Variants in ZNF654 observed in about 807,000 individuals in gnomAD.
The protein encoded by ZNF654 is melanoma-associated antigen.
A neutral mutation model predicts 95.3 loss-of-function variants in ZNF654; 19 were observed. That is an observed-to-expected ratio of 0.20 (90% CI 0.14 to 0.29). The LOEUF (loss-of-function observed/expected upper bound fraction) is 0.29. Among genes scored for constraint, ZNF654 ranks in the 10% least tolerant of loss-of-function variants. The probability of loss-of-function intolerance (pLI) is 1.00; values close to 1 mark genes in which losing one functional copy is unlikely to be tolerated. For missense variants in ZNF654, 1,046 were observed against 1,341.0 expected, an observed-to-expected ratio of 0.78 and a Z score of 3.44; for synonymous variants, 413 against 457.9, an observed-to-expected ratio of 0.90 and a Z score of 1.25.
At chr3:88,099,301 A>G (rs1018308551) in intron 2 of ZNF654, among the ~76,000 whole-genome samples, 2 of 152,212 alleles carry the variant, frequency 1.3e-5, no homozygotes, top group Non-Finnish European at 2.9e-5. Context: ...TTCAAGGAGA[A>G]CTGCAAATCA....
chr3:88,119,020 C>A (rs1433920163), intron 3 of ZNF654, among the ~76,000 whole-genome samples: 48 of 149,440 alleles, frequency 3.2e-4, no homozygotes, highest in Non-Finnish European at 5.0e-4. Flanking sequence ...TTTGACCCAG[C>A]CATCCCATTA....
chr3:88,111,736 G>A (rs752075513), intron 2 of ZNF654, among the ~76,000 whole-genome samples: 36 of 152,078 alleles, frequency 2.4e-4, no homozygotes, highest in South Asian at 1.0e-3. Context: ...CAAATGGTAT[G>A]TGTACATTTT....
chr3:88,132,742 A>C (rs184343275), intron 6 of ZNF654, among the ~76,000 whole-genome samples: 24 of 152,318 alleles, frequency 1.6e-4, no homozygotes, highest in African/African-American at 4.8e-4. Flanking sequence ...TGTTTCAATT[A>C]TCTCTCTTAA....
intron 2 of ZNF654, among the ~76,000 whole-genome samples, chr3:88,090,041 G>T (rs932894658): frequency 1.3e-5 from 2 of 152,008 alleles, no homozygotes; most frequent in Admixed American, 6.6e-5. Flanking sequence ...TAAAAGTATA[G>T]CATATAGAAT....
Position 88,140,299 on chromosome 3 carries a change from C to G in ZNF654, c.2630C>G (p.Ser877Cys), listed in dbSNP as rs376694512. 19 of 1,613,632 alleles carry G rather than the reference C, an allele frequency of 1.2e-5. No homozygotes were observed. The highest frequency in any genetic ancestry group is 1.6e-4 in the Middle Eastern group (1 of 6,082). The change falls in exon 8 of 9, where the codon TCT becomes TGT. Residue 877 changes from serine (S) to cysteine (C), a missense_variant. By Grantham distance (112) the Ser-to-Cys change is moderately radical. This residue lies in a region of ZNF654 where 495 missense variants were observed against 537.0 expected (regional missense o/e 0.92). Transcript: ENST00000636215. ...TATTTAAGTAAAACACCAGAGTCAT[C>G]TGCACAACCAAGTGAAACAATTCTT... ...QHYLSKTPES[S>C]AQPSETILWD...
chr3:88,119,332 C>A (rs1323317858), intron 3 of ZNF654, among the ~76,000 whole-genome samples: 84 of 131,858 alleles, frequency 6.4e-4, no homozygotes, highest in Non-Finnish European at 1.2e-3. Flanking sequence ...GGGAATTGAA[C>A]AATGAGAACA....
At position 88,140,532 on chromosome 3, in the gene ZNF654, T is replaced by C; in HGVS notation, c.2863T>C (p.Leu955=). 2.5e-6 allele frequency: 4 copies of C among 1,613,758 alleles called. No homozygotes were observed. The highest frequency in any genetic ancestry group is 3.4e-6 in the Non-Finnish European group (4 of 1,179,736). ...RSDDTVSNIS[L]IDQKMPDIEP... ...TGATGACACTGTTTCAAATATAAGC[T>C]TGATAGACCAAAAGATGCCTGACAT... Residue 955 remains leucine, a synonymous_variant, in exon 8 of 9, where the codon TTG becomes CTG. Transcript: ENST00000636215.
At chr3:88,073,345 T>C (rs2107620812) in intron 1 of ZNF654, among the ~76,000 whole-genome samples, 1 of 152,256 alleles carries the variant, frequency 6.6e-6, no homozygotes, top group African/African-American at 2.4e-5. Context: ...AAAAATAGAT[T>C]GAGGCTTGGC....
At chr3:88,134,289 G>C (rs555274554) in intron 6 of ZNF654, among the ~76,000 whole-genome samples, 1 of 152,108 alleles carries the variant, frequency 6.6e-6, no homozygotes, top group African/African-American at 2.4e-5. Flanking sequence ...TGTATGTGCT[G>C]AGTTCAAAGT....
At chr3:88,059,578 C>T in intron 1 of ZNF654, 73 bp downstream of exon 1, 1 of 1,442,206 alleles carries the variant, frequency 6.9e-7, no homozygotes, top group Non-Finnish European at 9.0e-7. Flanking sequence ...GTCTTCTCGT[C>T]CATGAATCTG....
At position 88,143,128 on chromosome 3, in the gene ZNF654, GCTT is replaced by G. The variant is rs1235379663; in HGVS notation, c.*1480_*1482del. 6.6e-6 allele frequency: 1 copy of G among 152,274 alleles called. No homozygotes were observed. Among genetic ancestry groups the G allele is most frequent in the East Asian group, 1.9e-4 (1 of 5,198 alleles). 9.4% of individuals were successfully genotyped at this position (152,274 alleles called of 1,614,324 possible). A position where few individuals can be genotyped will look rare whatever the true frequency, so the allele number is the denominator to read the frequency against. On this transcript the variant is annotated 3_prime_UTR_variant, in exon 9 of 9. Transcript: ENST00000636215. ...GATAATCTCATCAGACCCTATTAGA[GCTT>G]CTTGAATGAGGCTATTACGGAAGTG...
In ZNF654 at chr3:88,135,155, A is replaced by G. The variant is rs1190778857; in HGVS notation, c.988A>G (p.Thr330Ala). The G allele has an allele frequency of 6.0e-6, 9 of 1,490,952 alleles. No homozygotes were observed. Among genetic ancestry groups the G allele is most frequent in the Non-Finnish European group, 8.0e-6 (9 of 1,126,234 alleles). 92.4% of individuals were successfully genotyped at this position (1,490,952 alleles called of 1,614,324 possible). ...ATGCTACCAGCTTTTAAGAACAGCA[A>G]CTAATGTGAGAGTCATATTTCCTTT... ...DQCYQLLRTA[T>A]NVRVIFPFMK... is the part of the protein sequence containing the mutation. The change falls in exon 7 of 9, where the codon ACT (threonine) becomes GCT (alanine). Residue 330 changes from threonine to alanine, a missense_variant. Physicochemically the swap from Thr to Ala is moderately conservative, Grantham distance 58 (BLOSUM62 0). Coordinates refer to ENST00000636215, the MANE Select transcript of ZNF654 (RefSeq NM_001350134.2).
intron 2 of ZNF654, among the ~76,000 whole-genome samples, chr3:88,089,230 G>A (rs1203196724): frequency 9.0e-5 from 13 of 144,120 alleles, no homozygotes; most frequent in African/African-American, 3.0e-4. Flanking sequence ...GGTGGCTCAC[G>A]CCTGTAATCC....
At chr3:88,141,617 G>T (rs1707138244) in intron 8 of ZNF654, 28 bp from the exon 9 acceptor site, 1 of 1,450,182 alleles carries the variant, frequency 6.9e-7, no homozygotes, top group Non-Finnish European at 9.3e-7. Flanking sequence ...AATAAAACTT[G>T]CATTAACAGA....
At chr3:88,129,119 C>A in intron 5 of ZNF654, 108 bp downstream of exon 5, 1 of 761,744 alleles carries the variant, frequency 1.3e-6, no homozygotes. Flanking sequence ...ACAGTAATGC[C>A]AAAGATTTAA....
At chr3:88,092,203 A>G (rs1435667775) in intron 2 of ZNF654, among the ~76,000 whole-genome samples, 3 of 152,188 alleles carry the variant, frequency 2.0e-5, no homozygotes, top group Non-Finnish European at 4.4e-5. Context: ...CTACAATAGT[A>G]TGTTATTTTA....
At position 88,060,814 on chromosome 3, in the gene ZNF654, G is replaced by A. The variant is rs1209547280; in HGVS notation, c.186+1309G>A. On this transcript the variant is annotated intron_variant, in intron 1 of 8. Transcript: ENST00000636215. ...AAGGAATTTCTTTCAATGCTTGTAA[G>A]GGAAAGCTTGTAAGAATTCCCTTAC... Among the ~76,000 whole-genome samples, 5 of 151,874 alleles carry A rather than the reference G, an allele frequency of 3.3e-5. No individual in the cohort carries two copies. The East Asian group carries it at 5.8e-4, about 18-fold the overall frequency.
At chr3:88,096,755 G>A (rs7636845) in intron 2 of ZNF654, among the ~76,000 whole-genome samples, 143,003 of 152,010 alleles carry the variant, frequency 0.94, 67,785 homozygotes, top group Non-Finnish European at 1. Context: ...TTCAAAATTC[G>A]AAAAGTGTGG....
In ZNF654 at chr3:88,143,486, A is replaced by G. The variant is rs1707222666; in HGVS notation, c.*1834A>G. On this transcript the variant is annotated 3_prime_UTR_variant, in exon 9 of 9. Coordinates refer to ENST00000636215, the MANE Select transcript of ZNF654 (RefSeq NM_001350134.2). ...AGTTCATTCTAAAAGTATGTCTTGT[A>G]ATAAAAAGTCTGTTTGGAAACTGGT... 1 of 152,310 alleles carries G rather than the reference A, an allele frequency of 6.6e-6. No homozygotes were observed. Among genetic ancestry groups the G allele is most frequent in the African/African-American group, 2.4e-5 (1 of 41,424 alleles). The allele number at this position is 152,310 out of a possible 1,614,324, so 9.4% of individuals were successfully genotyped here.
Sources: allele counts gnomAD v4.1 joint callset (sites outside exome capture counted in the v4.1 genomes callset), GRCh38; gene constraint gnomAD v4.1.1; regional missense constraint gnomAD v4.1.1; transcripts MANE v1.5; gene names NCBI Gene and HGNC (gene_info 2026-07-23, HGNC 2026-07-21).